The following SRGAP1 variants were observed in gnomAD, a reference collection of about 807,000 sequenced individuals.
SRGAP1 encodes the protein SLIT-ROBO Rho GTPase-activating protein 1.
A neutral mutation model predicts 121.9 loss-of-function variants in SRGAP1; 43 were observed. The ratio of observed to expected loss-of-function variants is 0.35; its 90% CI spans 0.28 to 0.46. SRGAP1 has a LOEUF of 0.46. Ranked by LOEUF, SRGAP1 falls within the 20% of genes least tolerant of loss-of-function variation. The probability of loss-of-function intolerance (pLI) is 1.00; values close to 1 mark genes in which losing one functional copy is unlikely to be tolerated. For missense variants in SRGAP1, 1,102 were observed against 1,350.9 expected, an observed-to-expected ratio of 0.82 and a Z score of 2.89; for synonymous variants, 447 against 485.4, an observed-to-expected ratio of 0.92 and a Z score of 1.04.
chr12:64,109,093 G>C (rs1035914405), intron 16 of SRGAP1, 56 bp downstream of exon 16: 3 of 1,211,970 alleles, frequency 2.5e-6, no homozygotes, highest in South Asian at 3.9e-5. Flanking sequence ...TTTGTTCTTC[G>C]ATCCTGTAAA....
At chr12:63,911,497 G>A (rs1004129794) in intron 1 of SRGAP1, among the ~76,000 whole-genome samples, 2 of 152,062 alleles carry the variant, frequency 1.3e-5, no homozygotes, top group African/African-American at 4.8e-5. Context: ...TGTGCCCTTA[G>A]CTGATCTCCC....
chr12:64,022,623 C>A (rs2034574451), intron 4 of SRGAP1, among the ~76,000 whole-genome samples: 1 of 152,178 alleles, frequency 6.6e-6, no homozygotes. Context: ...CGGCATCTGA[C>A]AAGGCACAAG....
chr12:64,124,670 C>CTTTT (rs1043414285), intron 18 of SRGAP1, among the ~76,000 whole-genome samples: 14 of 152,278 alleles, frequency 9.2e-5, no homozygotes, highest in African/African-American at 3.4e-4. Context: ...CAAAGAAACA[C>CTTTT]CTCTTTGGTT....
chr12:63,884,000 C>T (rs2136289138), intron 1 of SRGAP1, among the ~76,000 whole-genome samples: 1 of 148,684 alleles, frequency 6.7e-6, no homozygotes, highest in African/African-American at 2.5e-5. Flanking sequence ...TGTAGGAGAG[C>T]AGGCCAGGCG....
intron 1 of SRGAP1, among the ~76,000 whole-genome samples, chr12:63,949,188 T>TTTTTCCATAGATATATA (rs1565964620): frequency 3.7e-5 from 5 of 136,464 alleles, no homozygotes; most frequent in Admixed American, 1.5e-4. Flanking sequence ...CATATATATT[T>TTTTTCCATAGATATATA]TTTTTTCCAT....
At chr12:63,987,780 A>G (rs1419253357) in intron 2 of SRGAP1, among the ~76,000 whole-genome samples, 4 of 152,210 alleles carry the variant, frequency 2.6e-5, no homozygotes, top group Non-Finnish European at 5.9e-5. Context: ...AATGGTAGTA[A>G]TAAGGATTAA....
intron 15 of SRGAP1, among the ~76,000 whole-genome samples, chr12:64,103,190 C>T (rs939626107): frequency 6.6e-6 from 1 of 152,086 alleles, no homozygotes; most frequent in African/African-American, 2.4e-5. Context: ...CAACATTGCC[C>T]AGGCTGGTCT....
At chr12:64,009,864 C>T (rs939770107) in intron 3 of SRGAP1, among the ~76,000 whole-genome samples, 6 of 152,212 alleles carry the variant, frequency 3.9e-5, no homozygotes, top group East Asian at 1.9e-4. Context: ...AACCATGTCC[C>T]GTGACAGTTA....
At chr12:64,006,679 C>G (rs900135732) in intron 3 of SRGAP1, among the ~76,000 whole-genome samples, 6 of 152,096 alleles carry the variant, frequency 3.9e-5, no homozygotes, top group African/African-American at 1.5e-4. Flanking sequence ...AATTTTTATC[C>G]TATCATGTGA....
At chr12:63,848,006 T>TA (rs1898957309) in intron 1 of SRGAP1, among the ~76,000 whole-genome samples, 1 of 148,996 alleles carries the variant, frequency 6.7e-6, no homozygotes, top group African/African-American at 2.5e-5. Flanking sequence ...TAATTTTTAT[T>TA]TTATATATAT....
intron 19 of SRGAP1, 48 bp from the exon 20 acceptor site, chr12:64,127,542 A>G (rs2036712362): frequency 6.5e-7 from 1 of 1,545,740 alleles, no homozygotes. Context: ...AATTTTGTAA[A>G]ATTTGTAAAT....
At chr12:63,868,513 G>T (rs1192029873) in intron 1 of SRGAP1, among the ~76,000 whole-genome samples, 1 of 152,118 alleles carries the variant, frequency 6.6e-6, no homozygotes, top group South Asian at 2.1e-4. Context: ...GTAGCTGAGC[G>T]CACCAGCAAA....
intron 4 of SRGAP1, among the ~76,000 whole-genome samples, chr12:64,039,909 A>G (rs2034980531): frequency 1.3e-5 from 2 of 151,632 alleles, no homozygotes; most frequent in Admixed American, 6.6e-5. Flanking sequence ...TCTCCCAGAC[A>G]GGTTCAATAA....
intron 1 of SRGAP1, among the ~76,000 whole-genome samples, chr12:63,945,786 T>G (rs74099400): frequency 0.021 from 3,192 of 152,252 alleles, 103 homozygotes; most frequent in African/African-American, 0.072. Context: ...TTAGCCAAGG[T>G]CCATTACTGG....
chr12:64,013,031 C>T (rs2034297052), intron 3 of SRGAP1, among the ~76,000 whole-genome samples: 1 of 152,158 alleles, frequency 6.6e-6, no homozygotes, highest in South Asian at 2.1e-4. Context: ...AGCCACCACA[C>T]CTGGCCTCAC....
chr12:64,042,763 G>C (rs528685876), intron 4 of SRGAP1, 27 bp from the exon 5 acceptor site: 8 of 1,593,052 alleles, frequency 5.0e-6, no homozygotes, highest in Non-Finnish European at 6.9e-6. Context: ...CAGACATCTT[G>C]TAACAATTTG....
chr12:64,056,689 C>G (rs2035350129), intron 6 of SRGAP1, among the ~76,000 whole-genome samples: 1 of 152,132 alleles, frequency 6.6e-6, no homozygotes, highest in African/African-American at 2.4e-5. Context: ...TGAACTGATG[C>G]CTACCTGCAT....
intron 21 of SRGAP1, among the ~76,000 whole-genome samples, chr12:64,139,673 T>C (rs2036925501): frequency 6.6e-6 from 1 of 151,938 alleles, no homozygotes; most frequent in African/African-American, 2.4e-5. Context: ...TGCGAAAATT[T>C]TCTCCCATTT....
At chr12:63,880,636 G>A (rs938093754) in intron 1 of SRGAP1, among the ~76,000 whole-genome samples, 1 of 152,104 alleles carries the variant, frequency 6.6e-6, no homozygotes, top group African/African-American at 2.4e-5. Context: ...CACTGACCTT[G>A]AGAGCCCAGA....
Sources: gnomAD v4.1 joint callset for allele counts (sites outside exome capture counted in the v4.1 genomes callset) on GRCh38, gnomAD v4.1.1 for gene constraint, MANE v1.5 for transcripts, NCBI Gene and HGNC (gene_info 2026-07-23, HGNC 2026-07-21) for gene names.